The following MRPL3 variants were observed in gnomAD, a reference collection of about 807,000 sequenced individuals.
The protein encoded by MRPL3 is mitochondrial ribosomal protein L3.
Under a neutral mutation model 44.3 loss-of-function variants are expected in MRPL3, and 43 were observed. The ratio of observed to expected loss-of-function variants is 0.97; its 90% CI spans 0.76 to 1.25. MRPL3 has a LOEUF of 1.25. MRPL3 is among the 50% of genes most tolerant of loss of function. The pLI, the probability that MRPL3 is intolerant of heterozygous loss-of-function variation, is 0.00. For missense variants in MRPL3, 406 were observed against 427.6 expected, an observed-to-expected ratio of 0.95 and a Z score of 0.45; for synonymous variants, 171 against 152.3, an observed-to-expected ratio of 1.12 and a Z score of -0.91.
At chr3:131,485,657 A>C (rs1423959434) in intron 6 of MRPL3, among the ~76,000 whole-genome samples, 1 of 152,176 alleles carries the variant, frequency 6.6e-6, no homozygotes, top group East Asian at 1.9e-4. Context: ...GCAGGAAAAA[A>C]AAAAGGGGGA....
At position 131,501,670 on chromosome 3, in the gene MRPL3, A is replaced by G. The variant is rs1934499905; in HGVS notation, c.138T>C (p.Gly46=). ...CAGAAAGATGCTCATCCCACCATGT[A>G]CCACTCTTTCCATGAAGACCTCTAA... is the stretch of plus-strand genomic sequence containing the variant. ...LFVRGLHGKS[G]TWWDEHLSEE... Residue 46 remains glycine (G), a synonymous_variant, in exon 2 of 10, where the codon GGT becomes GGC. Transcript: ENST00000264995. The G allele has an allele frequency of 4.3e-6, 7 of 1,613,808 alleles. No homozygotes were observed. Among genetic ancestry groups the G allele is most frequent in the Non-Finnish European group, 5.9e-6 (7 of 1,179,996 alleles).
At chr3:131,479,047 T>G in intron 6 of MRPL3, 1 of 458,560 alleles carries the variant, frequency 2.2e-6, no homozygotes, top group Non-Finnish European at 4.3e-6. Context: ...TAAGTAGAGG[T>G]TTTTCAATTA....
At chr3:131,479,750 C>T (rs1379511647) in intron 6 of MRPL3, among the ~76,000 whole-genome samples, 1 of 152,156 alleles carries the variant, frequency 6.6e-6, no homozygotes, top group African/African-American at 2.4e-5. Flanking sequence ...GAGGCTGAGG[C>T]AGGAGAATGG....
At chr3:131,486,021 T>A (rs142623702) in intron 6 of MRPL3, among the ~76,000 whole-genome samples, 1 of 152,168 alleles carries the variant, frequency 6.6e-6, no homozygotes, top group African/African-American at 2.4e-5. Flanking sequence ...AAATTATCAT[T>A]TATGTTGAAG....
rs139126705 is a variant in MRPL3, at chr3:131,498,277, C to T, written c.370G>A (p.Val124Ile). ...TATTTTAAGACATGACAGTCTTGTA[C>T]CTAAAAAAACAAACATAAAAAAACT... ...GQKHVVTLLQ[V>I]QDCHVLKYTS... The change falls in exon 4 of 10, where the codon GTA becomes ATA. Residue 124 changes from valine (V) to isoleucine (I), a missense_variant and splice_region_variant. By Grantham distance (29) the Val-to-Ile change is conservative. Transcript: ENST00000264995. The T allele has an allele frequency of 2.0e-4, 312 of 1,585,204 alleles. No individual in the cohort carries two copies. Among genetic ancestry groups the T allele is most frequent in the Non-Finnish European group, 2.6e-4 (297 of 1,157,536 alleles).
intron 9 of MRPL3, among the ~76,000 whole-genome samples, chr3:131,466,861 C>T (rs1178091696): frequency 1.3e-5 from 2 of 151,806 alleles, no homozygotes; most frequent in African/African-American, 4.8e-5. Flanking sequence ...ATTCAAAATC[C>T]TCTCTTCTAC....
chr3:131,476,451 T>TC (rs761017822), intron 6 of MRPL3, among the ~76,000 whole-genome samples: 15 of 152,202 alleles, frequency 9.9e-5, no homozygotes, highest in East Asian at 3.9e-4. Flanking sequence ...GTAAAAGGTT[T>TC]CCACAGGTCA....
At chr3:131,490,833 T>C (rs1440036221) in intron 4 of MRPL3, among the ~76,000 whole-genome samples, 2 of 152,186 alleles carry the variant, frequency 1.3e-5, no homozygotes, top group Non-Finnish European at 2.9e-5. Flanking sequence ...CTGTCTAGTG[T>C]GGGGTCTAGG....
intron 6 of MRPL3, among the ~76,000 whole-genome samples, chr3:131,483,979 C>G (rs1378865259): frequency 6.6e-6 from 1 of 152,060 alleles, no homozygotes; most frequent in Admixed American, 6.6e-5. Flanking sequence ...AGATTTTTCT[C>G]TTTTCTAATG....
intron 5 of MRPL3, among the ~76,000 whole-genome samples, chr3:131,488,225 T>C (rs1166555601): frequency 6.6e-6 from 1 of 152,152 alleles, no homozygotes; most frequent in African/African-American, 2.4e-5. Context: ...CCTCTACATA[T>C]CAGATTTTGG....
chr3:131,473,049 T>C (rs1052052849), intron 6 of MRPL3, among the ~76,000 whole-genome samples: 2 of 152,020 alleles, frequency 1.3e-5, no homozygotes, highest in African/African-American at 2.4e-5. Context: ...TTCACAGAAA[T>C]AGAAAAAATA....
In MRPL3 at chr3:131,471,231, G is replaced by A. The variant is rs1195667858; in HGVS notation, c.678C>T (p.Gly226=). The stretch of plus-strand genomic sequence containing the variant: ...TCGTTTGACCATGCGTAGCAGGCTG[G>A]CCTTTAAATCCCCATCTTTTCATGA... ...QGVMKRWGFK[G]QPATHGQTKT... The change falls in exon 7 of 10, where the codon GGC becomes GGT. Residue 226 remains glycine, a synonymous_variant. Coordinates refer to ENST00000264995, the MANE Select transcript of MRPL3 (RefSeq NM_007208.4). 4 of 1,613,434 alleles carry A rather than the reference G, an allele frequency of 2.5e-6. No homozygotes were observed. The highest frequency in any genetic ancestry group is 3.3e-5 in the Admixed American group (2 of 59,900).
At chr3:131,478,055 A>G (rs1170780435) in intron 6 of MRPL3, among the ~76,000 whole-genome samples, 1 of 152,214 alleles carries the variant, frequency 6.6e-6, no homozygotes, top group African/African-American at 2.4e-5. Flanking sequence ...AGTCATGCAC[A>G]CTAATTTACA....
chr3:131,485,160 G>A (rs1934090975), intron 6 of MRPL3, among the ~76,000 whole-genome samples: 1 of 151,998 alleles, frequency 6.6e-6, no homozygotes, highest in Non-Finnish European at 1.5e-5. Flanking sequence ...AAAAACAAAA[G>A]TTTTCCTCTT....
At chr3:131,474,088 T>A (rs2110698371) in intron 6 of MRPL3, among the ~76,000 whole-genome samples, 1 of 152,238 alleles carries the variant, frequency 6.6e-6, no homozygotes, top group South Asian at 2.1e-4. Flanking sequence ...ATCAACATGT[T>A]GAAGAGATAT....
rs187850159 is a variant in MRPL3, at chr3:131,483,088, C to T, written c.629+4592G>A. Among the ~76,000 whole-genome samples, 232 of 151,454 alleles carry T rather than the reference C, an allele frequency of 1.5e-3. 8 individuals are homozygous for T. The highest frequency in any genetic ancestry group is 0.014 in the Admixed American group (208 of 15,200). On this transcript the variant is annotated intron_variant, in intron 6 of 9. Coordinates refer to ENST00000264995, the MANE Select transcript of MRPL3 (RefSeq NM_007208.4). ...GCTGAGGATAGAATTAACAGTCATA[C>T]CTCAGCTTACTCACTATTTATACAT...
At position 131,502,910 on chromosome 3, in the gene MRPL3, C is replaced by T. The variant is rs150040162; in HGVS notation, c.-89G>A. On this transcript the variant is annotated 5_prime_UTR_variant, in exon 1 of 10. Transcript: ENST00000264995. ...TCCCCACGCCACCGCCACGTGGACGCAGTAGCCGTGGGGAAGTTTTCGCAA... is the reference window on the plus strand; with the variant it reads ...TCCCCACGCCACCGCCACGTGGACGTAGTAGCCGTGGGGAAGTTTTCGCAA... 1.2e-3 allele frequency: 1,532 copies of T among 1,255,532 alleles called. 8 individuals carry two copies. The African/African-American group carries it at 0.019, about 15-fold the overall frequency. The allele number at this position is 1,255,532 out of a possible 1,614,324, so 77.8% of individuals were successfully genotyped here.
chr3:131,486,948 A>G (rs1421925432), intron 6 of MRPL3, among the ~76,000 whole-genome samples: 5 of 152,214 alleles, frequency 3.3e-5, no homozygotes, highest in African/African-American at 1.2e-4. Context: ...CAATCCCATT[A>G]CTGGGTATAT....
chr3:131,487,634 A>C (rs368210395), intron 6 of MRPL3, 46 bp downstream of exon 6: 67 of 1,411,096 alleles, frequency 4.7e-5, no homozygotes, highest in Admixed American at 1.6e-4. Context: ...ATTCTCTTTT[A>C]ATAGATGAAA....
Sources: allele counts gnomAD v4.1 joint callset (sites outside exome capture counted in the v4.1 genomes callset), GRCh38; gene constraint gnomAD v4.1.1; transcripts MANE v1.5; gene names NCBI Gene and HGNC (gene_info 2026-07-23, HGNC 2026-07-21).